FAM78B: variants seen among roughly 807,000 people sequenced by gnomAD.
FAM78B encodes protein FAM78B.
FAM78B carries 10 observed loss-of-function variants against 20.0 expected under a neutral mutation model. The observed-to-expected ratio is 0.50, with a 90% confidence interval of 0.31 to 0.85. The LOEUF (loss-of-function observed/expected upper bound fraction) is 0.85, where lower values mean the gene tolerates loss of function less well. Ranked by LOEUF, FAM78B falls within the 40% of genes least tolerant of loss-of-function variation. The probability of loss-of-function intolerance (pLI) is 0.05; values close to 1 mark genes in which losing one functional copy is unlikely to be tolerated. For missense variants in FAM78B, 283 were observed against 345.0 expected, an observed-to-expected ratio of 0.82 and a Z score of 1.42; for synonymous variants, 135 against 132.8, an observed-to-expected ratio of 1.02 and a Z score of -0.12.
chr1:166,104,523 A>G (rs988281447), intron 1 of FAM78B, among the ~76,000 whole-genome samples: 2 of 152,230 alleles, frequency 1.3e-5, no homozygotes, highest in African/African-American at 4.8e-5. Context: ...ATACAAAATC[A>G]ATGTGCAAAA....
intron 1 of FAM78B, among the ~76,000 whole-genome samples, chr1:166,153,704 G>A (rs1198281346): frequency 1.3e-5 from 2 of 152,130 alleles, no homozygotes; most frequent in Non-Finnish European, 2.9e-5. Context: ...ACATGACATC[G>A]CCCTGGATTC....
chr1:166,098,146 G>C (rs917944075), intron 1 of FAM78B, among the ~76,000 whole-genome samples: 1 of 152,146 alleles, frequency 6.6e-6, no homozygotes, highest in Non-Finnish European at 1.5e-5. Context: ...ACTGCAGTTT[G>C]GGTAATAGGA....
chr1:166,146,569 T>C (rs1378212889), intron 1 of FAM78B, among the ~76,000 whole-genome samples: 4 of 152,180 alleles, frequency 2.6e-5, no homozygotes, highest in Non-Finnish European at 4.4e-5. Context: ...AGAGCTCTAC[T>C]AGGCCAAGGG....
intron 1 of FAM78B, among the ~76,000 whole-genome samples, chr1:166,130,981 CTTT>C (rs869158425): frequency 5.3e-5 from 6 of 114,058 alleles, no homozygotes; most frequent in Non-Finnish European, 7.3e-5. Flanking sequence ...TCCCCAGGTG[CTTT>C]TTTTTTTTTT....
chr1:166,108,351 T>C (rs10753707), intron 1 of FAM78B, among the ~76,000 whole-genome samples: 29,586 of 151,672 alleles, frequency 0.2, 3,258 homozygotes, highest in East Asian at 0.37. Context: ...ACACCAACAG[T>C]GACCAAGCAA....
chr1:166,104,060 A>G (rs899712707), intron 1 of FAM78B, among the ~76,000 whole-genome samples: 3 of 152,228 alleles, frequency 2.0e-5, no homozygotes, highest in Non-Finnish European at 4.4e-5. Flanking sequence ...TACGCAAATC[A>G]ATAAACATAA....
At chr1:166,117,269 A>G (rs893699724) in intron 1 of FAM78B, among the ~76,000 whole-genome samples, 1 of 152,142 alleles carries the variant, frequency 6.6e-6, no homozygotes, top group Admixed American at 6.5e-5. Flanking sequence ...TCTATTTTGC[A>G]TTTTGTATCT....
At chr1:166,138,934 T>C (rs568303053) in intron 1 of FAM78B, among the ~76,000 whole-genome samples, 1 of 152,362 alleles carries the variant, frequency 6.6e-6, no homozygotes, top group South Asian at 2.1e-4. Flanking sequence ...CTAATCCTTT[T>C]CATCTTCTAC....
At chr1:166,155,707 CA>C (rs372719736) in intron 1 of FAM78B, among the ~76,000 whole-genome samples, 1 of 152,084 alleles carries the variant, frequency 6.6e-6, no homozygotes, top group Admixed American at 6.5e-5. Context: ...TAAGTGATAA[CA>C]AAAAATCTAT....
chr1:166,056,107 G>T (rs1651334477), downstream of FAM78B, among the ~76,000 whole-genome samples: 1 of 152,136 alleles, frequency 6.6e-6, no homozygotes, highest in South Asian at 2.1e-4. Flanking sequence ...GAGGGTAGAG[G>T]CGTCTTAGTT....
chr1:166,106,300 A>G (rs1653783616), intron 1 of FAM78B, among the ~76,000 whole-genome samples: 1 of 151,872 alleles, frequency 6.6e-6, no homozygotes, highest in African/African-American at 2.4e-5. Context: ...GCACATGTAT[A>G]CATATGTAAC....
At chr1:166,083,400 A>C (rs973320714) in intron 1 of FAM78B, among the ~76,000 whole-genome samples, 3 of 151,902 alleles carry the variant, frequency 2.0e-5, no homozygotes, top group Non-Finnish European at 4.4e-5. Context: ...CTGCATGCAA[A>C]TCTGGATGTT....
At chr1:166,097,260 G>A (rs1387168208) in intron 1 of FAM78B, among the ~76,000 whole-genome samples, 1 of 152,206 alleles carries the variant, frequency 6.6e-6, no homozygotes, top group Non-Finnish European at 1.5e-5. Context: ...TGGCACCATA[G>A]GGATCCAACG....
intron 1 of FAM78B, among the ~76,000 whole-genome samples, chr1:166,094,356 T>C (rs1248781043): frequency 1.3e-5 from 2 of 152,182 alleles, no homozygotes; most frequent in Admixed American, 6.5e-5. Flanking sequence ...AAAGAGAATC[T>C]GTGTCCCGTG....
chr1:166,074,155 C>T (rs567524332), intron 1 of FAM78B, among the ~76,000 whole-genome samples: 3 of 152,294 alleles, frequency 2.0e-5, no homozygotes, highest in African/African-American at 7.2e-5. Flanking sequence ...ATATGGACAT[C>T]GTTGGCATCA....
intron 1 of FAM78B, among the ~76,000 whole-genome samples, chr1:166,100,974 G>C (rs182817000): frequency 1.3e-5 from 2 of 152,216 alleles, no homozygotes; most frequent in African/African-American, 4.8e-5. Context: ...CACATGGCCA[G>C]GTACCACTCT....
At chr1:166,149,245 TAAACAAACAAAC>T (rs66539851) in intron 1 of FAM78B, among the ~76,000 whole-genome samples, 92,538 of 151,678 alleles carry the variant, frequency 0.61, 30,078 homozygotes, top group Non-Finnish European at 0.74. Flanking sequence ...AAAGTATAAT[TAAACAAACAAAC>T]AAACAAACAA....
intron 1 of FAM78B, among the ~76,000 whole-genome samples, chr1:166,134,766 C>A (rs1571193997): frequency 6.6e-6 from 1 of 152,154 alleles, no homozygotes; most frequent in South Asian, 2.1e-4. Context: ...AGAAAATGCT[C>A]TCTAATGTCC....
intron 1 of FAM78B, among the ~76,000 whole-genome samples, chr1:166,103,620 C>T (rs1460929416): frequency 6.6e-6 from 1 of 152,140 alleles, no homozygotes; most frequent in African/African-American, 2.4e-5. Flanking sequence ...GGATAAATTC[C>T]TCGACACATA....
Sources: gnomAD v4.1 joint callset for allele counts (sites outside exome capture counted in the v4.1 genomes callset) on GRCh38, gnomAD v4.1.1 for gene constraint, MANE v1.5 for transcripts, NCBI Gene and HGNC (gene_info 2026-07-23, HGNC 2026-07-21) for gene names.